The following ARHGEF18 variants were observed in gnomAD, a reference collection of about 807,000 sequenced individuals.
ARHGEF18 encodes the protein Rho/Rac guanine nucleotide exchange factor 18.
Under a neutral mutation model 155.7 loss-of-function variants are expected in ARHGEF18, and 93 were observed. That is an observed-to-expected ratio of 0.60 (90% CI 0.50 to 0.71). The LOEUF (loss-of-function observed/expected upper bound fraction) is 0.71. Ranked by LOEUF, ARHGEF18 falls within the 30% of genes least tolerant of loss-of-function variation. ARHGEF18 has a pLI of 0.00. For missense variants in ARHGEF18, 1,593 were observed against 1,816.1 expected (o/e 0.88, Z 2.23); for synonymous variants, 742 against 753.1 (o/e 0.99, Z 0.24).
At position 7,405,807 on chromosome 19, in the gene ARHGEF18, A is replaced by G. The variant is rs180901311; in HGVS notation, c.967+22604A>G. On this transcript the variant is annotated intron_variant, in intron 10 of 28. Transcript: ENST00000668164. ...TGGTTTTTGTAATGCTGTTTTGTAG[A>G]GATGGGGTTCCACCATATTGCCCAG... Among the ~76,000 whole-genome samples, 89 of 151,972 alleles carry G rather than the reference A, an allele frequency of 5.9e-4. 1 individual carries two copies. Among genetic ancestry groups the G allele is most frequent in the African/African-American group, 2.0e-3 (83 of 41,440 alleles).
chr19:7,355,697 A>G (rs1190042928), intron 1 of ARHGEF18: 1 of 985,266 alleles, frequency 1.0e-6, no homozygotes, highest in Non-Finnish European at 1.2e-6. Flanking sequence ...GTGGGCCTTC[A>G]AGAGAGGTAA....
chr19:7,381,809 A>T (rs1278943693), intron 8 of ARHGEF18, among the ~76,000 whole-genome samples: 1 of 152,168 alleles, frequency 6.6e-6, no homozygotes, highest in African/African-American at 2.4e-5. Flanking sequence ...ACAGGGCTGG[A>T]GGTCCCTGAA....
At chr19:7,384,556 T>G (rs948419365) in intron 10 of ARHGEF18, among the ~76,000 whole-genome samples, 3 of 152,208 alleles carry the variant, frequency 2.0e-5, no homozygotes, top group Non-Finnish European at 4.4e-5. Flanking sequence ...TTGCTGGCCA[T>G]GGGGCTGGGG....
In ARHGEF18 at chr19:7,353,582, C is replaced by T. The variant is rs75261827; in HGVS notation, c.-111+4341C>T. Among the ~76,000 whole-genome samples the T allele has an allele frequency of 7.9e-4, 115 of 146,156 alleles. 1 individual carries two copies. The East Asian group carries it at 0.023, about 30-fold the overall frequency. On this transcript the variant is annotated intron_variant, in intron 1 of 28. Coordinates refer to ENST00000668164, the MANE Select transcript of ARHGEF18 (RefSeq NM_001367823.1). ...TCCAGCCTCAGCAACAAAAGTGAAA[C>T]TCCATCTCAAAAAAAAAAAAGAAAA...
At position 7,462,352 on chromosome 19, in the gene ARHGEF18, A is replaced by AC; in HGVS notation, c.2635+20dup. ...GAGCGAGAGTAAGTTGGCTGCCCAC[A>AC]CCTCAAGGGTGCAGTCTTGCCGGGG... On this transcript the variant is annotated intron_variant, in intron 21 of 28. Coordinates refer to ENST00000668164, the MANE Select transcript of ARHGEF18 (RefSeq NM_001367823.1). The surrounding 1 kb of genome is among the most constrained non-coding windows in gnomAD (Gnocchi z 4.4). The AC allele has an allele frequency of 6.4e-7, 1 of 1,565,708 alleles. No homozygotes were observed. The highest frequency in any genetic ancestry group is 1.2e-5 in the South Asian group (1 of 82,316).
chr19:7,425,265 T>C (rs1200978468), intron 10 of ARHGEF18, among the ~76,000 whole-genome samples: 3 of 152,090 alleles, frequency 2.0e-5, no homozygotes, highest in Non-Finnish European at 4.4e-5. Context: ...CTTATCTTCA[T>C]TAAACAAGAG....
chr19:7,462,023 G>A lies in ARHGEF18; in HGVS notation c.2453-129G>A. The A allele has an allele frequency of 1.0e-6, 1 of 1,001,964 alleles. No individual in the cohort carries two copies. Among genetic ancestry groups the A allele is most frequent in the South Asian group, 1.5e-5 (1 of 68,402 alleles). The allele number at this position is 1,001,964 out of a possible 1,614,324, so 62.1% of individuals were successfully genotyped here. On this transcript the variant is annotated intron_variant, in intron 20 of 28. Transcript: ENST00000668164. This position sits in a 1 kb window ranked among gnomAD's most constrained non-coding sequence, Gnocchi z 4.4. The stretch of plus-strand genomic sequence containing the variant: ...CCTCCCCTACCTCCCAGGAATGCAG[G>A]ACACAAGGGGGCAGCCTACCTCAGG...
intron 10 of ARHGEF18, among the ~76,000 whole-genome samples, chr19:7,384,692 A>AATT (rs1555704050): frequency 3.5e-5 from 5 of 141,548 alleles, no homozygotes; most frequent in South Asian, 2.3e-4. Flanking sequence ...TTTTTGCAAA[A>AATT]TTTTTTTTTT....
chr19:7,386,033 CCTCT>C (rs142761518), intron 10 of ARHGEF18, among the ~76,000 whole-genome samples: 1 of 131,900 alleles, frequency 7.6e-6, no homozygotes, highest in East Asian at 2.3e-4. Flanking sequence ...TCCCTCTCTC[CCTCT>C]CTCTCTCTCC....
chr19:7,382,981 T>C, intron 9 of ARHGEF18, 81 bp from the exon 10 acceptor site: 1 of 1,232,364 alleles, frequency 8.1e-7, no homozygotes, highest in Admixed American at 4.2e-5. Context: ...TGACTGGGGC[T>C]GGTGGTGGGC....
chr19:7,454,702 G>A (rs142405958), intron 17 of ARHGEF18, among the ~76,000 whole-genome samples: 184 of 152,230 alleles, frequency 1.2e-3, no homozygotes, highest in African/African-American at 4.3e-3. Flanking sequence ...CTCCTCCTCT[G>A]GTCTTTGGAA....
At chr19:7,478,296 G>T in the ARHGEF18 span, 4 of 1,608,418 alleles carry the variant, frequency 2.5e-6, no homozygotes, top group Non-Finnish European at 3.4e-6. Flanking sequence ...TCCCTGCTGG[G>T]TGATCACGGG....
At chr19:7,465,741 C>A (rs1004337639) in intron 23 of ARHGEF18, among the ~76,000 whole-genome samples, 1 of 152,114 alleles carries the variant, frequency 6.6e-6, no homozygotes, top group Non-Finnish European at 1.5e-5. Context: ...GAGTTTGAGA[C>A]CAGCCTGGGC....
At chr19:7,436,194 CTTCT>C (rs1974241579) in intron 10 of ARHGEF18, among the ~76,000 whole-genome samples, 1 of 134,326 alleles carries the variant, frequency 7.4e-6, no homozygotes. Context: ...ATCAGCATTT[CTTCT>C]TTTTTTTTTT....
At chr19:7,353,481 T>C (rs1969203421) in intron 1 of ARHGEF18, among the ~76,000 whole-genome samples, 1 of 151,650 alleles carries the variant, frequency 6.6e-6, no homozygotes, top group Non-Finnish European at 1.5e-5. Context: ...TCCCAGCTAC[T>C]TGAGAGGCTG....
At chr19:7,448,853 G>T (rs989611760) in intron 15 of ARHGEF18, among the ~76,000 whole-genome samples, 3 of 152,084 alleles carry the variant, frequency 2.0e-5, no homozygotes, top group Non-Finnish European at 4.4e-5. Flanking sequence ...ACCACACTTG[G>T]ATGATGGCTA....
intron 17 of ARHGEF18, among the ~76,000 whole-genome samples, 181 bp from the exon 18 acceptor site, chr19:7,456,146 T>G (rs1975811586): frequency 6.6e-6 from 1 of 152,148 alleles, no homozygotes; most frequent in Non-Finnish European, 1.5e-5. Context: ...TCGTTGGTGC[T>G]GAAGGTTGAG....
intron 10 of ARHGEF18, among the ~76,000 whole-genome samples, chr19:7,383,780 C>G (rs192935734): frequency 3.5e-4 from 48 of 135,414 alleles, no homozygotes; most frequent in Middle Eastern, 5.2e-3. Flanking sequence ...CAAATAAGGT[C>G]GCATCCTAAA....
At chr19:7,375,932 A>G (rs1465658211) in intron 4 of ARHGEF18, 62 bp downstream of exon 4, 4 of 1,232,996 alleles carry the variant, frequency 3.2e-6, no homozygotes, top group South Asian at 4.1e-5. Flanking sequence ...AAGCAGTGCT[A>G]TAGGTAGGAA....
Sources: gnomAD v4.1 joint callset for allele counts (sites outside exome capture counted in the v4.1 genomes callset) on GRCh38, gnomAD v4.1.1 for gene constraint, Gnocchi (gnomAD v3.1) non-coding constraint, MANE v1.5 for transcripts, NCBI Gene and HGNC (gene_info 2026-07-23, HGNC 2026-07-21) for gene names.